The following ANO4 variants were observed in gnomAD, a reference collection of about 807,000 sequenced individuals.
ANO4 encodes anoctamin 4.
A neutral mutation model predicts 141.9 loss-of-function variants in ANO4; 69 were observed. The ratio of observed to expected loss-of-function variants is 0.49; its 90% confidence interval spans 0.40 to 0.59. The LOEUF is 0.59. ANO4 is among the 20% of genes least tolerant of loss of function. The pLI, the probability that ANO4 is intolerant of heterozygous loss-of-function variation, is 0.00. For missense variants in ANO4, 894 were observed against 1,162.2 expected (o/e 0.77, Z 3.36); for synonymous variants, 350 against 394.3 (o/e 0.89, Z 1.33).
At chr12:101,019,202 A>G (rs1333960388) in intron 8 of ANO4, among the ~76,000 whole-genome samples, 1 of 152,162 alleles carries the variant, frequency 6.6e-6, no homozygotes, top group Admixed American at 6.5e-5. Flanking sequence ...TAAACTTTAT[A>G]ATTTATGAAG....
intron 1 of ANO4, among the ~76,000 whole-genome samples, chr12:100,856,672 A>G (rs2038188345): frequency 6.6e-6 from 1 of 152,110 alleles, no homozygotes; most frequent in African/African-American, 2.4e-5. Context: ...GAAGCTTGCC[A>G]GGTATACCTC....
At chr12:100,980,230 C>G (rs911336072) in intron 7 of ANO4, among the ~76,000 whole-genome samples, 2 of 152,164 alleles carry the variant, frequency 1.3e-5, no homozygotes. Flanking sequence ...TCAGAATGGC[C>G]TCTCAAAATA....
At chr12:100,721,380 G>C (rs575583100) in intron 1 of ANO4, among the ~76,000 whole-genome samples, 2 of 152,322 alleles carry the variant, frequency 1.3e-5, no homozygotes, top group Non-Finnish European at 1.5e-5. Flanking sequence ...GGGAAGGGCT[G>C]GGTAGGGTAA....
At chr12:100,734,623 G>A (rs1383931218) in intron 2 of ANO4, among the ~76,000 whole-genome samples, 1 of 152,172 alleles carries the variant, frequency 6.6e-6, no homozygotes, top group Admixed American at 6.5e-5. Context: ...TACAGATGAG[G>A]AAACTTGCGC....
chr12:100,770,310 G>A (rs1009501939), intron 3 of ANO4, among the ~76,000 whole-genome samples: 1 of 152,168 alleles, frequency 6.6e-6, no homozygotes, highest in Admixed American at 6.5e-5. Context: ...CTGAAAATCT[G>A]CATTTTAGAC....
intron 3 of ANO4, among the ~76,000 whole-genome samples, chr12:100,931,503 T>C (rs979737231): frequency 2.0e-5 from 3 of 152,164 alleles, no homozygotes; most frequent in African/African-American, 7.2e-5. Context: ...TGAAAATTCA[T>C]CTTTGTCACT....
intron 1 of ANO4, among the ~76,000 whole-genome samples, chr12:100,832,021 C>T (rs1343908201): frequency 6.6e-6 from 1 of 152,018 alleles, no homozygotes; most frequent in African/African-American, 2.4e-5. Context: ...TGTAAGTTAA[C>T]AATCCTTAAA....
intron 18 of ANO4, among the ~76,000 whole-genome samples, chr12:101,095,853 G>A (rs918615178): frequency 2.0e-5 from 3 of 152,144 alleles, no homozygotes; most frequent in East Asian, 1.9e-4. Flanking sequence ...CCATGTTTTG[G>A]TTCACACCAT....
chr12:100,955,861 G>A (rs1272257582), intron 5 of ANO4, among the ~76,000 whole-genome samples: 3 of 152,148 alleles, frequency 2.0e-5, no homozygotes, highest in East Asian at 1.9e-4. Flanking sequence ...CAACATAAAC[G>A]ATGGCATGAT....
At chr12:100,835,783 G>T (rs1373228938) in intron 1 of ANO4, among the ~76,000 whole-genome samples, 1 of 152,008 alleles carries the variant, frequency 6.6e-6, no homozygotes, top group African/African-American at 2.4e-5. Flanking sequence ...TGATAATTTG[G>T]ATTTTTCTAT....
intron 1 of ANO4, among the ~76,000 whole-genome samples, chr12:100,830,376 G>A (rs10860642): frequency 0.18 from 27,566 of 152,068 alleles, 2,957 homozygotes; most frequent in Middle Eastern, 0.3. Context: ...TTCTACATTT[G>A]CCTGAGAAGA....
At chr12:101,053,322 A>T (rs562859188) in intron 14 of ANO4, among the ~76,000 whole-genome samples, 1 of 152,356 alleles carries the variant, frequency 6.6e-6, no homozygotes, top group South Asian at 2.1e-4. Context: ...TAAAGCTCTG[A>T]AAAGGAAGAA....
chr12:101,015,831 C>T (rs192861437), intron 8 of ANO4, among the ~76,000 whole-genome samples: 1 of 152,170 alleles, frequency 6.6e-6, no homozygotes, highest in African/African-American at 2.4e-5. Flanking sequence ...GCTTAGCTTA[C>T]ATTGTGTGCA....
At chr12:100,756,412 T>C (rs1474483144) in intron 3 of ANO4, among the ~76,000 whole-genome samples, 1 of 152,092 alleles carries the variant, frequency 6.6e-6, no homozygotes, top group Non-Finnish European at 1.5e-5. Context: ...TGCAGTGGTA[T>C]GATCTCGGCT....
At chr12:101,011,763 G>C (rs1299098928) in intron 8 of ANO4, among the ~76,000 whole-genome samples, 1 of 152,126 alleles carries the variant, frequency 6.6e-6, no homozygotes. Flanking sequence ...TTAGTTATCT[G>C]TTTCTGTTTC....
intron 5 of ANO4, among the ~76,000 whole-genome samples, chr12:100,964,522 T>A (rs1780713190): frequency 1.3e-5 from 2 of 152,146 alleles, no homozygotes; most frequent in African/African-American, 4.8e-5. Flanking sequence ...TAATATCTCC[T>A]CCTAGCCCCA....
intron 1 of ANO4, among the ~76,000 whole-genome samples, chr12:100,895,918 AGT>A (rs2040327049): frequency 6.6e-6 from 1 of 152,070 alleles, no homozygotes; most frequent in Non-Finnish European, 1.5e-5. Flanking sequence ...ATACTCATCA[AGT>A]GTCTCTTGAG....
At chr12:100,839,800 G>T (rs1269303156) in intron 1 of ANO4, among the ~76,000 whole-genome samples, 2 of 152,050 alleles carry the variant, frequency 1.3e-5, no homozygotes, top group African/African-American at 4.8e-5. Flanking sequence ...TTCTGTGTCT[G>T]GGCTTCACTG....
intron 1 of ANO4, among the ~76,000 whole-genome samples, chr12:100,728,076 T>C (rs940060041): frequency 7.2e-6 from 1 of 139,364 alleles, no homozygotes; most frequent in Non-Finnish European, 1.6e-5. Context: ...CCTCCTATAT[T>C]AGACATTAAA....
Sources: allele counts gnomAD v4.1 joint callset (sites outside exome capture counted in the v4.1 genomes callset), GRCh38; gene constraint gnomAD v4.1.1; transcripts MANE v1.5; gene names NCBI Gene and HGNC (gene_info 2026-07-23, HGNC 2026-07-21).